Variants in LYPD6 observed in about 807,000 individuals in gnomAD.
LYPD6 encodes ly6/PLAUR domain-containing protein 6.
LYPD6 carries 15 observed loss-of-function variants against 22.7 expected under a neutral mutation model. The ratio of observed to expected loss-of-function variants is 0.66; its 90% CI spans 0.44 to 1.02. LYPD6 has a LOEUF of 1.02. LYPD6 is among the 50% of genes least tolerant of loss of function. LYPD6 has a pLI of 0.00. For missense variants in LYPD6, 189 were observed against 208.4 expected, an observed-to-expected ratio of 0.91 and a Z score of 0.57; for synonymous variants, 72 against 77.5, an observed-to-expected ratio of 0.93 and a Z score of 0.37.
chr2:149,340,887 A>G (rs1450970342), intron 1 of LYPD6, among the ~76,000 whole-genome samples: 2 of 152,028 alleles, frequency 1.3e-5, no homozygotes, highest in African/African-American at 4.8e-5. Context: ...CCCAGAATAT[A>G]TTTTCTTGCT....
chr2:149,397,305 G>A (rs1337969697), intron 1 of LYPD6, among the ~76,000 whole-genome samples: 1 of 152,174 alleles, frequency 6.6e-6, no homozygotes, highest in Non-Finnish European at 1.5e-5. Context: ...TGGGCTGGGA[G>A]TCCCAGATGG....
intron 1 of LYPD6, among the ~76,000 whole-genome samples, chr2:149,391,859 C>T (rs2105099018): frequency 6.6e-6 from 1 of 152,254 alleles, no homozygotes; most frequent in South Asian, 2.1e-4. Flanking sequence ...TGTACCTCAC[C>T]AGGACAAATG....
At chr2:149,407,356 A>T (rs916390546) in intron 1 of LYPD6, among the ~76,000 whole-genome samples, 1 of 152,084 alleles carries the variant, frequency 6.6e-6, no homozygotes. Context: ...CCTCCCCATC[A>T]CTTTCAGGTA....
chr2:149,450,317 G>A (rs951889400), intron 3 of LYPD6, among the ~76,000 whole-genome samples: 1 of 152,142 alleles, frequency 6.6e-6, no homozygotes, highest in African/African-American at 2.4e-5. Context: ...CATTTCTAAA[G>A]GGTTGTCAGG....
rs1230096170 is a variant in LYPD6, at chr2:149,363,256, G to A, written c.-72+32534G>A. ...GTTCTCGATGCCCATGATGATCAAAGCTAACATTTATTGAACCTTTTGCTG... is the reference window on the plus strand; with the variant it reads ...GTTCTCGATGCCCATGATGATCAAAACTAACATTTATTGAACCTTTTGCTG... On this transcript the variant is annotated intron_variant, in intron 1 of 4. Coordinates refer to ENST00000334166, the MANE Select transcript of LYPD6 (RefSeq NM_194317.5). Among the ~76,000 whole-genome samples, 4 of 152,178 alleles carry A rather than the reference G, an allele frequency of 2.6e-5. No homozygotes were observed. The East Asian group carries it at 7.7e-4, about 29-fold the overall frequency.
At chr2:149,480,865 A>G in the LYPD6 span, among the ~76,000 whole-genome samples, 3 of 152,292 alleles carry the variant, frequency 2.0e-5, no homozygotes, top group Admixed American at 6.5e-5. Flanking sequence ...AAGTAAGAAT[A>G]TAAAGGCCCA....
chr2:149,364,441 G>A (rs1287242981), intron 1 of LYPD6, among the ~76,000 whole-genome samples: 1 of 151,768 alleles, frequency 6.6e-6, no homozygotes, highest in Non-Finnish European at 1.5e-5. Flanking sequence ...ATGAGTTTTG[G>A]CTGAGATGAC....
chr2:149,344,980 T>C (rs1681227262), intron 1 of LYPD6, among the ~76,000 whole-genome samples: 1 of 152,056 alleles, frequency 6.6e-6, no homozygotes, highest in Non-Finnish European at 1.5e-5. Context: ...TCCAGGAGTT[T>C]GGGGCTGCAG....
At chr2:149,373,289 C>T (rs1681851261) in intron 1 of LYPD6, among the ~76,000 whole-genome samples, 1 of 152,110 alleles carries the variant, frequency 6.6e-6, no homozygotes, top group Middle Eastern at 3.2e-3. Flanking sequence ...TTGAAGATGA[C>T]AAGTAGGTAA....
At chr2:149,330,320 CG>C (rs1680904180), upstream of LYPD6, 1 of 151,732 alleles carries the variant, frequency 6.6e-6, no homozygotes, top group Admixed American at 6.6e-5. Context: ...GCGCGGCGCC[CG>C]GGTGCCCCAC....
chr2:149,375,035 G>C (rs1681887136), intron 1 of LYPD6, among the ~76,000 whole-genome samples: 1 of 152,140 alleles, frequency 6.6e-6, no homozygotes, highest in Non-Finnish European at 1.5e-5. Flanking sequence ...AGTCTTCAAG[G>C]ATCTAGAGAG....
At chr2:149,351,786 G>A (rs138268345) in intron 1 of LYPD6, among the ~76,000 whole-genome samples, 41 of 152,238 alleles carry the variant, frequency 2.7e-4, no homozygotes, top group African/African-American at 7.2e-4. Flanking sequence ...AAAGACAGGC[G>A]CTGGGCCCCA....
At chr2:149,434,195 A>G (rs950044043) in intron 1 of LYPD6, among the ~76,000 whole-genome samples, 2 of 152,204 alleles carry the variant, frequency 1.3e-5, no homozygotes, top group African/African-American at 4.8e-5. Context: ...AGCATGTTTG[A>G]CAATTTAAAC....
At chr2:149,355,523 C>T (rs1016529089) in intron 1 of LYPD6, among the ~76,000 whole-genome samples, 1 of 152,136 alleles carries the variant, frequency 6.6e-6, no homozygotes, top group Non-Finnish European at 1.5e-5. Flanking sequence ...CTTGAGATTG[C>T]ATTGAATCAG....
At chr2:149,455,242 G>A (rs537610725) in intron 3 of LYPD6, among the ~76,000 whole-genome samples, 10 of 149,394 alleles carry the variant, frequency 6.7e-5, no homozygotes, top group African/African-American at 2.5e-4. Context: ...ATTAGTCTTA[G>A]AACTTTTCTA....
intron 3 of LYPD6, among the ~76,000 whole-genome samples, chr2:149,454,995 C>T (rs1015446496): frequency 6.6e-6 from 1 of 151,980 alleles, no homozygotes; most frequent in Admixed American, 6.6e-5. Flanking sequence ...TTCTCAGCCT[C>T]TCCACCTGTG....
In LYPD6 at chr2:149,394,767, C is replaced by T. The variant is rs116903539; in HGVS notation, c.-71-42871C>T. 3.0e-4 allele frequency among the ~76,000 whole-genome samples: 45 copies of T among 152,166 alleles called. No individual in the cohort carries two copies. The East Asian group carries it at 8.1e-3, about 27-fold the overall frequency. ...AAGTTATGTTTTGTTCCTTTCCTTCCGTTGATACTCACTCCCTGCTCACCA... is the reference window on the plus strand; with the variant it reads ...AAGTTATGTTTTGTTCCTTTCCTTCTGTTGATACTCACTCCCTGCTCACCA... On this transcript the variant is annotated intron_variant, in intron 1 of 4. Transcript: ENST00000334166.
chr2:149,475,939 AC>A (rs1416281653), downstream of LYPD6, among the ~76,000 whole-genome samples: 2 of 152,180 alleles, frequency 1.3e-5, no homozygotes, highest in Non-Finnish European at 2.9e-5. Context: ...CACAAGGGTG[AC>A]ATGCATAATG....
At chr2:149,358,108 T>C (rs1344572527) in intron 1 of LYPD6, among the ~76,000 whole-genome samples, 1 of 152,214 alleles carries the variant, frequency 6.6e-6, no homozygotes, top group African/African-American at 2.4e-5. Context: ...ATTTCAAAAA[T>C]AGTACTACCT....
Sources: gnomAD v4.1 joint callset for allele counts (sites outside exome capture counted in the v4.1 genomes callset) on GRCh38, gnomAD v4.1.1 for gene constraint, MANE v1.5 for transcripts, NCBI Gene and HGNC (gene_info 2026-07-23, HGNC 2026-07-21) for gene names.